The following NNT variants were observed in gnomAD, a reference collection of about 807,000 sequenced individuals.
NNT encodes nicotinamide nucleotide transhydrogenase.
NNT carries 50 observed loss-of-function variants against 104.8 expected under a neutral mutation model. The observed-to-expected ratio is 0.48, with a 90% confidence interval of 0.38 to 0.60. The LOEUF is 0.60. Ranked by LOEUF, NNT falls within the 20% of genes least tolerant of loss-of-function variation. The pLI, the probability that NNT is intolerant of heterozygous loss-of-function variation, is 0.00. For missense variants in NNT, 1,131 were observed against 1,330.7 expected, an observed-to-expected ratio of 0.85 and a Z score of 2.33; for synonymous variants, 461 against 490.4, an observed-to-expected ratio of 0.94 and a Z score of 0.79.
intron 19 of NNT, among the ~76,000 whole-genome samples, chr5:43,691,814 G>T (rs914007362): frequency 1.3e-5 from 2 of 152,174 alleles, no homozygotes; most frequent in African/African-American, 2.4e-5. Flanking sequence ...TAGGGCTCTA[G>T]AATTTAATTA....
At chr5:43,631,496 T>G (rs1000473589) in intron 7 of NNT, among the ~76,000 whole-genome samples, 7 of 152,148 alleles carry the variant, frequency 4.6e-5, no homozygotes, top group Middle Eastern at 3.4e-3. Flanking sequence ...TATGAGAGGA[T>G]TAGATGTAAC....
In NNT at chr5:43,671,959, A is replaced by G. The variant is rs561377273; in HGVS notation, c.2635-3552A>G. Among the ~76,000 whole-genome samples, 54 of 152,124 alleles carry G rather than the reference A, an allele frequency of 3.5e-4. No homozygotes were observed. The Middle Eastern group carries it at 0.014, about 38-fold the overall frequency. On this transcript the variant is annotated intron_variant, in intron 17 of 21. Coordinates refer to ENST00000344920, the MANE Select transcript of NNT (RefSeq NM_182977.3). ...ATTTGGTCTTTTCACATAGTCCCATATTTCTTGGAGGCTTTCTTCATTTCT... is the reference window on the plus strand; with the variant it reads ...ATTTGGTCTTTTCACATAGTCCCATGTTTCTTGGAGGCTTTCTTCATTTCT...
At chr5:43,651,705 G>A (rs752235144) in intron 12 of NNT, 34 bp from the exon 13 acceptor site, 4 of 1,611,794 alleles carry the variant, frequency 2.5e-6, no homozygotes, top group South Asian at 2.2e-5. Flanking sequence ...GCTCAAAGAG[G>A]TACTATGTTT....
At chr5:43,685,811 G>A (rs1374708390) in intron 19 of NNT, among the ~76,000 whole-genome samples, 2 of 152,026 alleles carry the variant, frequency 1.3e-5, no homozygotes, top group East Asian at 1.9e-4. Flanking sequence ...AGGACATATT[G>A]TCTCCATGGT....
intron 17 of NNT, chr5:43,667,200 G>C (rs1740753571): frequency 6.6e-6 from 9 of 1,364,198 alleles, no homozygotes; most frequent in Non-Finnish European, 9.3e-6. Flanking sequence ...TTCGGGACTG[G>C]TTGTGTGTAG....
At position 43,644,803 on chromosome 5, in the gene NNT, G is replaced by A; in HGVS notation, c.1290+1G>A. ...CATTAGAGGAACTGTAGTGATGAAA[G>A]TAAGTAAAGAGATCTATTCCTTCCT... On this transcript the variant is annotated splice_donor_variant, in intron 9 of 21. Coordinates refer to ENST00000344920, the MANE Select transcript of NNT (RefSeq NM_182977.3). LOFTEE classifies it high-confidence loss of function. The A allele has an allele frequency of 6.2e-7, 1 of 1,607,974 alleles. No individual in the cohort carries two copies. Among genetic ancestry groups the A allele is most frequent in the Non-Finnish European group, 8.5e-7 (1 of 1,175,922 alleles).
rs1391370324 is a variant in NNT, at chr5:43,672,469, G to A, written c.2635-3042G>A. Among the ~76,000 whole-genome samples the A allele has an allele frequency of 2.0e-5, 3 of 152,190 alleles. No individual in the cohort carries two copies. In the South Asian group the frequency reaches 6.2e-4, roughly 31 times the overall value. ...GACGTACAGATGAGGTTTTGGTGTGGATGTCCTTTCTGTTTGTTAGTTTTC... is the reference window on the plus strand; with the variant it reads ...GACGTACAGATGAGGTTTTGGTGTGAATGTCCTTTCTGTTTGTTAGTTTTC... On this transcript the variant is annotated intron_variant, in intron 17 of 21. Coordinates refer to ENST00000344920, the MANE Select transcript of NNT (RefSeq NM_182977.3).
chr5:43,643,625 A>C (rs773089170), intron 7 of NNT, among the ~76,000 whole-genome samples: 1 of 152,198 alleles, frequency 6.6e-6, no homozygotes, highest in Non-Finnish European at 1.5e-5. Context: ...GTAGGATTCC[A>C]CTGTTTTGAT....
intron 19 of NNT, among the ~76,000 whole-genome samples, chr5:43,689,156 A>G (rs1361527505): frequency 6.6e-6 from 1 of 152,188 alleles, no homozygotes; most frequent in Non-Finnish European, 1.5e-5. Flanking sequence ...GCATTTTTCC[A>G]TATCCTAGTC....
At chr5:43,634,741 T>C (rs1185958380) in intron 7 of NNT, among the ~76,000 whole-genome samples, 1 of 152,166 alleles carries the variant, frequency 6.6e-6, no homozygotes, top group Non-Finnish European at 1.5e-5. Flanking sequence ...CTTCGTAGCT[T>C]TCAATGCAGA....
chr5:43,652,146 G>A (rs1262610435), intron 13 of NNT, among the ~76,000 whole-genome samples: 2 of 152,142 alleles, frequency 1.3e-5, no homozygotes, highest in African/African-American at 4.8e-5. Flanking sequence ...TTTTCCACAT[G>A]TAAGAGGAGT....
intron 14 of NNT, among the ~76,000 whole-genome samples, chr5:43,654,776 C>T (rs1385977042): frequency 2.6e-5 from 4 of 152,170 alleles, no homozygotes; most frequent in Non-Finnish European, 4.4e-5. Context: ...GTATTTTTTT[C>T]CCCTGGAACT....
At chr5:43,697,775 CA>C (rs1742632611) in intron 19 of NNT, among the ~76,000 whole-genome samples, 1 of 151,684 alleles carries the variant, frequency 6.6e-6, no homozygotes, top group South Asian at 2.1e-4. Context: ...TGGTGGCAGG[CA>C]AAAAAAGGAG....
At chr5:43,620,453 C>G (rs902690713) in intron 5 of NNT, among the ~76,000 whole-genome samples, 1 of 152,020 alleles carries the variant, frequency 6.6e-6, no homozygotes, top group East Asian at 1.9e-4. Flanking sequence ...AACTCTTGAC[C>G]TTGTGATCCG....
chr5:43,613,012 G>C lies in NNT; in HGVS notation c.256G>C (p.Gly86Arg). The change falls in exon 3 of 22, where the codon GGT (glycine) becomes CGT (arginine). Residue 86 changes from glycine to arginine, a missense_variant. Transcript: ENST00000344920. Reference protein sequence around the residue: ...PAGVQNLVKQGFNVVVESGAG... With the variant: ...PAGVQNLVKQRFNVVVESGAG... ...TGGTGTTCAGAACTTGGTCAAGCAG[G>C]GTTTTAATGTTGTCGTGGAATCGGG... 1 of 1,614,130 alleles carries C rather than the reference G, an allele frequency of 6.2e-7. No individual in the cohort carries two copies. The highest frequency in any genetic ancestry group is 8.5e-7 in the Non-Finnish European group (1 of 1,180,020).
At chr5:43,674,904 C>T (rs1273179501) in intron 17 of NNT, among the ~76,000 whole-genome samples, 1 of 152,124 alleles carries the variant, frequency 6.6e-6, no homozygotes, top group Non-Finnish European at 1.5e-5. Context: ...CCTTATTCTT[C>T]TACCTATTTG....
intron 14 of NNT, among the ~76,000 whole-genome samples, chr5:43,655,046 C>T (rs1202363631): frequency 6.6e-6 from 1 of 152,160 alleles, no homozygotes; most frequent in East Asian, 1.9e-4. Flanking sequence ...CAGATTTTTG[C>T]ATTTCTTTAC....
rs957656424 is a variant in NNT at position 43,653,946 on chromosome 5, C to G, written c.2059+733C>G. 4.0e-5 allele frequency among the ~76,000 whole-genome samples: 6 copies of G among 148,750 alleles called. 1 individual carries two copies. Among genetic ancestry groups the G allele is most frequent in the African/African-American group, 1.5e-4 (6 of 40,252 alleles). ...CTCCAGCCTGGGTGACAAAGCGAGA[C>G]TCTGTCTCAAAAAAAAAAAAAAAAT... On this transcript the variant is annotated intron_variant, in intron 14 of 21. Coordinates refer to ENST00000344920, the MANE Select transcript of NNT (RefSeq NM_182977.3).
chr5:43,650,552 C>T lies in NNT; in HGVS notation c.1682C>T (p.Ala561Val), dbSNP rs771085413. 8 of 1,613,952 alleles carry T rather than the reference C, an allele frequency of 5.0e-6. No homozygotes were observed. The highest frequency in any genetic ancestry group is 1.7e-5 in the Admixed American group (1 of 60,004). ...YPSTTSQGLA[A>V]LAAFISSVNI... ...TCCACAACTTCTCAGGGCCTTGCTG[C>T]TCTTGCTGCATTCATATCCTCTGTC... The change falls in exon 12 of 22, where the codon GCT becomes GTT. Residue 561 changes from alanine to valine, a missense_variant. Physicochemically the swap from Ala to Val is moderately conservative, Grantham distance 64. Transcript: ENST00000344920.
Sources: gnomAD v4.1 joint callset for allele counts (sites outside exome capture counted in the v4.1 genomes callset) on GRCh38, gnomAD v4.1.1 for gene constraint, MANE v1.5 for transcripts, NCBI Gene and HGNC (gene_info 2026-07-23, HGNC 2026-07-21) for gene names.